KIAA0930: variants seen among roughly 807,000 people sequenced by gnomAD.
KIAA0930 encodes the protein uncharacterized protein KIAA0930.
KIAA0930 carries 24 observed loss-of-function variants against 43.9 expected under a neutral mutation model. The ratio of observed to expected loss-of-function variants is 0.55; its 90% CI spans 0.40 to 0.77. The LOEUF (loss-of-function observed/expected upper bound fraction) is 0.77, where lower values mean the gene tolerates loss of function less well. Among genes scored for constraint, KIAA0930 ranks in the 30% least tolerant of loss-of-function variants. The pLI, the probability that KIAA0930 is intolerant of heterozygous loss-of-function variation, is 0.00. For synonymous variants in KIAA0930, 259 were observed against 216.4 expected, an observed-to-expected ratio of 1.20 and a Z score of -1.73; for missense variants, 461 against 574.2, an observed-to-expected ratio of 0.80 and a Z score of 2.02.
rs2083573227 is a variant in KIAA0930 at position 45,200,020 on chromosome 22, T to C, written c.868A>G (p.Thr290Ala). Residue 290 changes from threonine (T) to alanine (A), a missense_variant, in exon 8 of 10, where the codon ACA becomes GCA. Coordinates refer to ENST00000336156, the MANE Select transcript of KIAA0930 (RefSeq NM_001009880.2). The stretch of plus-strand genomic sequence containing the variant: ...TTGTTCCGTTCTGGGGTGGGGGGTG[T>C]GCTGAAGGAGGTCACCTGGGAACAA... ...PMHERVTSFS[T>A]PPTPERNNRP... is the part of the protein sequence containing the mutation. 1 of 1,592,222 alleles carries C rather than the reference T, an allele frequency of 6.3e-7. No homozygotes were observed. The highest frequency in any genetic ancestry group is 8.5e-7 in the Non-Finnish European group (1 of 1,169,728).
At position 45,197,895 on chromosome 22, in the gene KIAA0930, G is replaced by A. The variant is rs1601806301; in HGVS notation, c.1069C>T (p.Arg357Trp). The A allele has an allele frequency of 5.0e-6, 8 of 1,614,216 alleles. No homozygotes were observed. The highest frequency in any genetic ancestry group is 2.2e-5 in the East Asian group (1 of 44,892). ...LRSRSLSGTG[R>W]SLVGSWLKLN... ...TTCAGCCAGGACCCGACCAGGGACC[G>A]TCCTGTGCCCGACAGGGACCGAGAC... The change falls in exon 9 of 10, where the codon CGG becomes TGG. Residue 357 changes from arginine (R) to tryptophan (W), a missense_variant. Physicochemically the swap from Arg to Trp is moderately radical, Grantham distance 101. Coordinates refer to ENST00000336156, the MANE Select transcript of KIAA0930 (RefSeq NM_001009880.2).
intron 6 of KIAA0930, 114 bp downstream of exon 6, chr22:45,203,731 C>G: frequency 8.3e-7 from 1 of 1,205,918 alleles, no homozygotes; most frequent in South Asian, 1.5e-5. Flanking sequence ...GTACCCCTGG[C>G]GGCCGCTACC....
Position 45,199,877 on chromosome 22 carries a change from A to G in KIAA0930, c.1011T>C (p.Gly337=), listed in dbSNP as rs1018055044. Residue 337 remains glycine (G), a synonymous_variant, in exon 8 of 10, where the codon GGT becomes GGC. Transcript: ENST00000336156. ...GGGCACGGAGTGGGGGGTCACCTCC[A>G]CCGTCGTCCTCCCGGAAGAACTCCT... The part of the protein sequence containing the change: ...DSEEFFREDD[G]GADLHNATNL... 4 of 1,575,566 alleles carry G rather than the reference A, an allele frequency of 2.5e-6. No homozygotes were observed. Among genetic ancestry groups the G allele is most frequent in the African/African-American group, 1.4e-5 (1 of 73,656 alleles).
At chr22:45,219,579 ATTGTTTTTTTTT>A (rs1359383752) in intron 1 of KIAA0930, among the ~76,000 whole-genome samples, 12 of 107,454 alleles carry the variant, frequency 1.1e-4, no homozygotes, top group African/African-American at 4.3e-4. Flanking sequence ...CCAAGAGGTG[ATTGTTTTTTTTT>A]TTTTTTTTTT....
At chr22:45,239,556 C>A (rs1237669992) in intron 1 of KIAA0930, among the ~76,000 whole-genome samples, 1 of 152,132 alleles carries the variant, frequency 6.6e-6, no homozygotes, top group Non-Finnish European at 1.5e-5. Context: ...AAATTTACTT[C>A]CTCTCTCCAC....
chr22:45,208,314 A>AC (rs2083657213), intron 2 of KIAA0930, among the ~76,000 whole-genome samples: 2 of 149,684 alleles, frequency 1.3e-5, no homozygotes, highest in Non-Finnish European at 1.5e-5. Flanking sequence ...AACAGGCAGA[A>AC]CCACCGACTC....
rs773965961 is a variant in KIAA0930, at chr22:45,197,144, C to A, written c.*32G>T. 9 of 1,525,956 alleles carry A rather than the reference C, an allele frequency of 5.9e-6. No homozygotes were observed. Among genetic ancestry groups the A allele is most frequent in the Admixed American group, 4.2e-5 (2 of 48,112 alleles). The allele number at this position is 1,525,956 out of a possible 1,614,324, so 94.5% of individuals were successfully genotyped here. ...TTGGCAGCACTCCGAGGGCTGGGCC[C>A]GGCCGGGGCTCTGCGCAGGCTCCGC... is the stretch of plus-strand genomic sequence containing the variant. On this transcript the variant is annotated 3_prime_UTR_variant, in exon 10 of 10. Coordinates refer to ENST00000336156, the MANE Select transcript of KIAA0930 (RefSeq NM_001009880.2).
At chr22:45,210,855 C>CA (rs199836631) in intron 2 of KIAA0930, among the ~76,000 whole-genome samples, 5 of 76,262 alleles carry the variant, frequency 6.6e-5, no homozygotes, top group Non-Finnish European at 1.1e-4. Context: ...CCAAGGCCGC[C>CA]ACCCCTCCCT....
Position 45,203,067 on chromosome 22 carries a change from T to C in KIAA0930, c.775A>G (p.Ser259Gly). ...QGKGHAEMAV[S>G]RVSTGDTSPC... is the part of the protein sequence containing the mutation. ...GATGTGTCACCTGTAGACACTCGGCTGACCGCCATCTCGGCGTGGCCCTTG... is the reference window on the plus strand; with the variant it reads ...GATGTGTCACCTGTAGACACTCGGCCGACCGCCATCTCGGCGTGGCCCTTG... The change falls in exon 7 of 10, where the codon AGC becomes GGC. Residue 259 changes from serine to glycine, a missense_variant. Ser to Gly is a moderately conservative substitution (Grantham distance 56). Coordinates refer to ENST00000336156, the MANE Select transcript of KIAA0930 (RefSeq NM_001009880.2). The C allele has an allele frequency of 1.2e-6, 2 of 1,613,852 alleles. No homozygotes were observed.
At chr22:45,228,768 T>TCTCCACC (rs2083821644) in intron 1 of KIAA0930, among the ~76,000 whole-genome samples, 89 of 7,272 alleles carry the variant, frequency 0.012, 13 homozygotes, top group South Asian at 0.039. Context: ...GAAAGATCCC[T>TCTCCACC]CCCCATCCCC....
chr22:45,205,539 C>G (rs545268672), intron 4 of KIAA0930, 91 bp downstream of exon 4: 1 of 1,270,712 alleles, frequency 7.9e-7, no homozygotes, highest in East Asian at 2.3e-5. Context: ...ACCTCCAGGG[C>G]AGAGAAGCAA....
chr22:45,233,083 G>A (rs1317485904), intron 1 of KIAA0930, among the ~76,000 whole-genome samples: 5 of 152,100 alleles, frequency 3.3e-5, no homozygotes, highest in African/African-American at 1.2e-4. Flanking sequence ...AGTCCCTCCT[G>A]CTTCTGAGCC....
In KIAA0930 at chr22:45,211,564, C is replaced by T. The variant is rs1019858965; in HGVS notation, c.216+392G>A. 5.4e-5 allele frequency: 25 copies of T among 458,734 alleles called. No individual in the cohort carries two copies. The East Asian group carries it at 7.9e-4, about 15-fold the overall frequency. The allele number at this position is 458,734 out of a possible 1,614,324, so 28.4% of individuals were successfully genotyped here. On this transcript the variant is annotated intron_variant, in intron 2 of 9. Transcript: ENST00000336156. ...TAAGTGGAAGGCACCGTCATCATCACCACCACTGAGTCAGGTCACCCTGCC... is the reference window on the plus strand; with the variant it reads ...TAAGTGGAAGGCACCGTCATCATCATCACCACTGAGTCAGGTCACCCTGCC...
At chr22:45,234,653 C>A (rs1201336299) in intron 1 of KIAA0930, among the ~76,000 whole-genome samples, 1 of 152,236 alleles carries the variant, frequency 6.6e-6, no homozygotes, top group Non-Finnish European at 1.5e-5. Context: ...AATACAGACA[C>A]CTTTGCACGT....
At chr22:45,228,694 A>AC (rs113093477) in intron 1 of KIAA0930, among the ~76,000 whole-genome samples, 17 of 109,226 alleles carry the variant, frequency 1.6e-4, no homozygotes, top group African/African-American at 2.3e-4. Flanking sequence ...ATCCCTCTCC[A>AC]CCCCCCCAAC....
chr22:45,218,101 C>T (rs1421290772), intron 1 of KIAA0930, among the ~76,000 whole-genome samples: 1 of 152,188 alleles, frequency 6.6e-6, no homozygotes, highest in Non-Finnish European at 1.5e-5. Flanking sequence ...GTGCTGGTTT[C>T]AGGAGCGAGG....
chr22:45,197,187 G>A lies in KIAA0930; in HGVS notation c.1204C>T (p.Leu402=), dbSNP rs777707122. The change falls in exon 10 of 10, where the codon CTG becomes TTG. Residue 402 remains leucine, a synonymous_variant. Coordinates refer to ENST00000336156, the MANE Select transcript of KIAA0930 (RefSeq NM_001009880.2). The stretch of plus-strand genomic sequence containing the variant: ...GGCTCCGCACGCGGCTAGGTCATCA[G>A]GATGGGCTTCTGCCGAACTTCCAGG... ...DILEVRQKPI[L]MT The A allele has an allele frequency of 8.4e-6, 13 of 1,550,252 alleles. No homozygotes were observed. The South Asian group carries it at 1.6e-4, about 18-fold the overall frequency.
In KIAA0930 at chr22:45,196,590, G is replaced by A. The variant is rs12167422; in HGVS notation, c.*586C>T. The A allele has an allele frequency of 0.077, 11,723 of 152,730 alleles. 1,502 individuals are homozygous for A. Among genetic ancestry groups the A allele is most frequent in the African/African-American group, 0.27 (11,099 of 41,482 alleles). 9.5% of individuals were successfully genotyped at this position (152,730 alleles called of 1,614,324 possible). A position where few individuals can be genotyped will look rare whatever the true frequency, so the allele number is the denominator to read the frequency against. Reference sequence around the variant, plus strand: ...GCTGGAGGCCTTTCTGGAACTGGGCGTGGGTGAGGTATTCCCAGCCCAGGG... The same window carrying A: ...GCTGGAGGCCTTTCTGGAACTGGGCATGGGTGAGGTATTCCCAGCCCAGGG... On this transcript the variant is annotated 3_prime_UTR_variant, in exon 10 of 10. Coordinates refer to ENST00000336156, the MANE Select transcript of KIAA0930 (RefSeq NM_001009880.2). This position sits in a 1 kb window ranked among gnomAD's most constrained non-coding sequence, Gnocchi z 4.1.
intron 1 of KIAA0930, among the ~76,000 whole-genome samples, chr22:45,235,789 T>G (rs542397825): frequency 1.3e-5 from 2 of 152,296 alleles, no homozygotes; most frequent in African/African-American, 4.8e-5. Context: ...ATTTGTGGTC[T>G]CCAGTCTACA....
Sources: allele counts gnomAD v4.1 joint callset (sites outside exome capture counted in the v4.1 genomes callset), GRCh38; gene constraint gnomAD v4.1.1; non-coding constraint Gnocchi (gnomAD v3.1); transcripts MANE v1.5; gene names NCBI Gene and HGNC (gene_info 2026-07-23, HGNC 2026-07-21).